CDH13: variants seen among roughly 807,000 people sequenced by gnomAD.
The protein encoded by CDH13 is cadherin-13.
A neutral mutation model predicts 63.8 loss-of-function variants in CDH13; 24 were observed. The ratio of observed to expected loss-of-function variants is 0.38; its 90% CI spans 0.27 to 0.53. The LOEUF (loss-of-function observed/expected upper bound fraction) is 0.53. CDH13 is among the 20% of genes least tolerant of loss of function. The pLI is 0.85. For synonymous variants in CDH13, 503 were observed against 355.3 expected, an observed-to-expected ratio of 1.42 and a Z score of -4.67; for missense variants, 1,049 against 903.1, an observed-to-expected ratio of 1.16 and a Z score of -2.07.
Position 82,675,824 on chromosome 16 carries a change from G to T in CDH13, c.45+48687G>T, listed in dbSNP as rs76102317. ...CCTTGTTTAAAAAGTAGACTTGAGG[G>T]AGGGCACTTGAGTTCAGAAGCCAAA... is the stretch of plus-strand genomic sequence containing the variant. On this transcript the variant is annotated intron_variant, in intron 1 of 13. Coordinates refer to ENST00000567109, the MANE Select transcript of CDH13 (RefSeq NM_001257.5). Among the ~76,000 whole-genome samples the T allele has an allele frequency of 1.7e-3, 253 of 152,284 alleles. 1 individual carries two copies. The highest frequency in any genetic ancestry group is 6.0e-3 in the African/African-American group (248 of 41,564).
In CDH13 at chr16:82,842,165, C is replaced by CATATATATATATATATAT. The variant is rs1567590719; in HGVS notation, c.46-16196_46-16195insTATATATATATATATATA. Among the ~76,000 whole-genome samples the CATATATATATATATATAT allele has an allele frequency of 6.2e-3, 328 of 52,706 alleles. 29 individuals carry two copies. Among genetic ancestry groups the CATATATATATATATATAT allele is most frequent in the Non-Finnish European group, 0.011 (256 of 22,316 alleles). The allele number at this position is 52,706 out of a possible 152,430, so 34.6% of individuals were successfully genotyped here. ...ACATATATATATATATATATATATA[C>CATATATATATATATATAT]ACACACACACATATATATACACATA... On this transcript the variant is annotated intron_variant, in intron 1 of 13. Transcript: ENST00000567109.
chr16:82,852,635 C>T (rs2039538708), intron 1 of CDH13, among the ~76,000 whole-genome samples: 1 of 152,174 alleles, frequency 6.6e-6, no homozygotes, highest in African/African-American at 2.4e-5. Context: ...AATGACAGTT[C>T]TTATAGCTTG....
chr16:83,657,667 C>T (rs998656132), intron 8 of CDH13, among the ~76,000 whole-genome samples: 4 of 152,204 alleles, frequency 2.6e-5, no homozygotes, highest in South Asian at 2.1e-4. Context: ...CAGAATCAGT[C>T]AGTGGAAGAG....
intron 3 of CDH13, among the ~76,000 whole-genome samples, chr16:83,034,658 C>T (rs768247915): frequency 1.3e-5 from 2 of 152,080 alleles, no homozygotes; most frequent in Admixed American, 6.6e-5. Flanking sequence ...GGCGATTGTT[C>T]TTCGTGAATG....
chr16:83,137,696 C>T (rs16959388), intron 4 of CDH13, among the ~76,000 whole-genome samples: 3,934 of 152,222 alleles, frequency 0.026, 128 homozygotes, highest in African/African-American at 0.088. Flanking sequence ...GATGAGGCCG[C>T]AGCTGACTCA....
At chr16:83,061,525 T>A (rs2031548851) in intron 3 of CDH13, among the ~76,000 whole-genome samples, 1 of 152,160 alleles carries the variant, frequency 6.6e-6, no homozygotes, top group Non-Finnish European at 1.5e-5. Flanking sequence ...TAAAAATTCT[T>A]CCAGCTCACC....
intron 8 of CDH13, among the ~76,000 whole-genome samples, chr16:83,613,787 C>T (rs890549885): frequency 6.6e-6 from 1 of 152,116 alleles, no homozygotes; most frequent in African/African-American, 2.4e-5. Flanking sequence ...GAGCTGAGAT[C>T]ATGCCACCGC....
At chr16:82,924,043 A>T (rs907051477) in intron 2 of CDH13, among the ~76,000 whole-genome samples, 1 of 152,248 alleles carries the variant, frequency 6.6e-6, no homozygotes, top group African/African-American at 2.4e-5. Context: ...TAAACAAGTC[A>T]TGAATCAGTT....
At chr16:82,864,044 A>G (rs2040037715) in intron 2 of CDH13, among the ~76,000 whole-genome samples, 1 of 152,234 alleles carries the variant, frequency 6.6e-6, no homozygotes, top group Admixed American at 6.5e-5. Flanking sequence ...TAGTTACAGA[A>G]GAAAAGTCAG....
At chr16:82,841,498 C>A (rs766095148) in intron 1 of CDH13, among the ~76,000 whole-genome samples, 1 of 152,212 alleles carries the variant, frequency 6.6e-6, no homozygotes, top group Non-Finnish European at 1.5e-5. Context: ...TATCTCTGAT[C>A]ATTTGAGCTA....
At chr16:82,849,335 C>T (rs150410855) in intron 1 of CDH13, among the ~76,000 whole-genome samples, 5 of 152,054 alleles carry the variant, frequency 3.3e-5, no homozygotes, top group Non-Finnish European at 5.9e-5. Context: ...AGCCCTGTCT[C>T]TACTAAAACT....
rs529016743 is a variant in CDH13 at position 82,913,668 on chromosome 16, G to A, written c.157+55195G>A. Among the ~76,000 whole-genome samples the A allele has an allele frequency of 6.2e-4, 95 of 152,308 alleles. 1 individual carries two copies. The highest frequency in any genetic ancestry group is 1.6e-3 in the Admixed American group (24 of 15,298). ...CTGACGAGAGAGCTGCTGTGACAGA[G>A]TAAGGAGTGCATGGGGAGGAGGGAC... is the stretch of plus-strand genomic sequence containing the variant. On this transcript the variant is annotated intron_variant, in intron 2 of 13. Transcript: ENST00000567109.
intron 9 of CDH13, among the ~76,000 whole-genome samples, 176 bp from the exon 10 acceptor site, chr16:83,678,032 A>G (rs1598461244): frequency 1.3e-5 from 2 of 152,078 alleles, no homozygotes; most frequent in South Asian, 4.2e-4. Context: ...TCACATTTTC[A>G]TGTTTCATAT....
intron 8 of CDH13, among the ~76,000 whole-genome samples, chr16:83,657,259 C>A (rs544651946): frequency 1.1e-4 from 16 of 152,320 alleles, no homozygotes; most frequent in African/African-American, 3.8e-4. Context: ...CACTCCATTG[C>A]TACATTGTTC....
intron 4 of CDH13, among the ~76,000 whole-genome samples, chr16:83,134,379 G>A (rs1017121281): frequency 1.9e-4 from 29 of 152,002 alleles, no homozygotes; most frequent in African/African-American, 6.8e-4. Flanking sequence ...TAGGAGAGAT[G>A]AGCTTTCACC....
At chr16:83,601,219 T>G (rs1418053165) in intron 7 of CDH13, among the ~76,000 whole-genome samples, 1 of 151,882 alleles carries the variant, frequency 6.6e-6, no homozygotes, top group Admixed American at 6.6e-5. Flanking sequence ...AAATGCGGGG[T>G]GCTGCCTTAC....
intron 6 of CDH13, among the ~76,000 whole-genome samples, chr16:83,369,721 G>A (rs2091327841): frequency 6.6e-6 from 1 of 152,070 alleles, no homozygotes; most frequent in South Asian, 2.1e-4. Flanking sequence ...CACCATGACT[G>A]TCTTCTTCTA....
At chr16:82,755,427 A>G (rs143430469) in intron 1 of CDH13, among the ~76,000 whole-genome samples, 1 of 152,372 alleles carries the variant, frequency 6.6e-6, no homozygotes, top group East Asian at 1.9e-4. Flanking sequence ...GCACAGGAGG[A>G]TGAAGCTGAA....
At chr16:82,627,447 C>T (rs1907457069) in intron 1 of CDH13, among the ~76,000 whole-genome samples, 1 of 152,006 alleles carries the variant, frequency 6.6e-6, no homozygotes, top group Non-Finnish European at 1.5e-5. Flanking sequence ...GACATTCTCG[C>T]CCACATCAAG....
Sources: allele counts gnomAD v4.1 joint callset (sites outside exome capture counted in the v4.1 genomes callset), GRCh38; gene constraint gnomAD v4.1.1; transcripts MANE v1.5; gene names NCBI Gene and HGNC (gene_info 2026-07-23, HGNC 2026-07-21).